The following FEZ1 variants were observed in gnomAD, a reference collection of about 807,000 sequenced individuals.
FEZ1 encodes fasciculation and elongation protein zeta-1.
FEZ1 carries 20 observed loss-of-function variants against 49.3 expected under a neutral mutation model. That is an observed-to-expected ratio of 0.41 (90% CI 0.29 to 0.59). The LOEUF is 0.59. FEZ1 is among the 20% of genes least tolerant of loss of function. The pLI is 0.36. For missense variants in FEZ1, 413 were observed against 476.0 expected (o/e 0.87, Z 1.23); for synonymous variants, 170 against 180.9 (o/e 0.94, Z 0.48).
At chr11:125,461,651 T>C (rs1464686436) in intron 4 of FEZ1, among the ~76,000 whole-genome samples, 20 of 152,218 alleles carry the variant, frequency 1.3e-4, no homozygotes, top group Admixed American at 1.3e-3. Flanking sequence ...GTACATTAAT[T>C]ATTTACAAAT....
At chr11:125,462,101 C>T (rs988436521) in intron 4 of FEZ1, among the ~76,000 whole-genome samples, 4 of 152,210 alleles carry the variant, frequency 2.6e-5, no homozygotes, top group South Asian at 2.1e-4. Context: ...CTAATCCTCA[C>T]GTGTTTCAAT....
In FEZ1 at chr11:125,454,093, C is replaced by G. The variant is rs762101085; in HGVS notation, c.1020+37G>C. The G allele has an allele frequency of 7.3e-6, 11 of 1,516,260 alleles. No homozygotes were observed. The East Asian group carries it at 2.3e-4, about 31-fold the overall frequency. The allele number at this position is 1,516,260 out of a possible 1,614,324, so 93.9% of individuals were successfully genotyped here. On this transcript the variant is annotated intron_variant, in intron 7 of 9. Transcript: ENST00000278919. The stretch of plus-strand genomic sequence containing the variant: ...GCTGGGGAGGCCAAGCTGCAGGAGT[C>G]TAGGAAGAGAGCTTGGAGCAGGGAG...
In FEZ1 at chr11:125,455,999, C is replaced by T. The variant is rs183035322; in HGVS notation, c.775G>A (p.Glu259Lys). 8.7e-6 allele frequency: 14 copies of T among 1,613,588 alleles called. No individual in the cohort carries two copies. The highest frequency in any genetic ancestry group is 1.1e-5 in the Non-Finnish European group (13 of 1,180,000). The change falls in exon 6 of 10, where the codon GAG (glutamate) becomes AAG (lysine). Residue 259 changes from glutamate (E) to lysine (K), a missense_variant. Physicochemically the swap from Glu to Lys is moderately conservative, Grantham distance 56. Transcript: ENST00000278919. ...ELVQQLARRD[E>K]LEFEKEVKNS... ...TTCACTTCCTTCTCAAACTCCAGCT[C>T]GTCCCGGCGGGCCAGCTGCTGCACC...
intron 3 of FEZ1, among the ~76,000 whole-genome samples, chr11:125,475,464 C>A (rs891546795): frequency 2.0e-5 from 3 of 151,984 alleles, no homozygotes; most frequent in Admixed American, 2.0e-4. Flanking sequence ...GAATATGGGA[C>A]AATTACAGCT....
chr11:125,455,760 A>G lies in FEZ1; in HGVS notation c.939+75T>C, dbSNP rs1957004715. On this transcript the variant is annotated intron_variant, in intron 6 of 9. Coordinates refer to ENST00000278919, the MANE Select transcript of FEZ1 (RefSeq NM_005103.5). ...CGGTAAACGTTGATGAGTCCCCTGC[A>G]GGGTTGGTAGGGCACTGAAACGGGC... is the stretch of plus-strand genomic sequence containing the variant. 9 of 1,464,222 alleles carry G rather than the reference A, an allele frequency of 6.1e-6. No homozygotes were observed. In the East Asian group the frequency reaches 2.0e-4, roughly 33 times the overall value. 90.7% of individuals were successfully genotyped at this position (1,464,222 alleles called of 1,614,324 possible).
intron 5 of FEZ1, among the ~76,000 whole-genome samples, chr11:125,458,363 A>G (rs1251654302): frequency 3.3e-5 from 5 of 152,134 alleles, no homozygotes; most frequent in Non-Finnish European, 7.3e-5. Context: ...TTGCTGTGTT[A>G]CACTTTTTCA....
At chr11:125,473,695 T>A (rs1333359500) in intron 3 of FEZ1, among the ~76,000 whole-genome samples, 1 of 151,852 alleles carries the variant, frequency 6.6e-6, no homozygotes, top group Non-Finnish European at 1.5e-5. Context: ...TGCAGGCACC[T>A]GTAATCCCAG....
intron 3 of FEZ1, among the ~76,000 whole-genome samples, chr11:125,466,056 C>T (rs902381584): frequency 6.6e-6 from 1 of 152,288 alleles, no homozygotes; most frequent in Admixed American, 6.5e-5. Context: ...ACTCTTAATC[C>T]TAGCATAAGA....
At position 125,495,269 on chromosome 11, in the gene FEZ1, A is replaced by G; in HGVS notation, c.-46+852T>C. On this transcript the variant is annotated intron_variant, in intron 1 of 9. Coordinates refer to ENST00000278919, the MANE Select transcript of FEZ1 (RefSeq NM_005103.5). This position sits in a 1 kb window ranked among gnomAD's most constrained non-coding sequence, Gnocchi z 4.2. ...GACTCATCCCGTGCAGGCCGCATAC[A>G]CACTCCACTGCCCTTCCGGCCAAAC... 1 of 422,556 alleles carries G rather than the reference A, an allele frequency of 2.4e-6. No individual in the cohort carries two copies. The highest frequency in any genetic ancestry group is 7.2e-5 in the East Asian group (1 of 13,890). 26.2% of individuals were successfully genotyped at this position (422,556 alleles called of 1,614,324 possible). A position where few individuals can be genotyped will look rare whatever the true frequency, so the allele number is the denominator to read the frequency against.
intron 1 of FEZ1, among the ~76,000 whole-genome samples, chr11:125,491,889 G>A (rs1486885561): frequency 2.0e-5 from 3 of 152,128 alleles, no homozygotes; most frequent in Non-Finnish European, 2.9e-5. Context: ...AGACAGGCTC[G>A]AGAGCCAACA....
Position 125,445,959 on chromosome 11 carries a change from C to T in FEZ1, c.*136G>A. 1 of 910,704 alleles carries T rather than the reference C, an allele frequency of 1.1e-6. No individual in the cohort carries two copies. The highest frequency in any genetic ancestry group is 2.5e-5 in the East Asian group (1 of 40,134). The allele number at this position is 910,704 out of a possible 1,614,324, so 56.4% of individuals were successfully genotyped here. On this transcript the variant is annotated 3_prime_UTR_variant, in exon 10 of 10. Coordinates refer to ENST00000278919, the MANE Select transcript of FEZ1 (RefSeq NM_005103.5). The surrounding 1 kb of genome is among the most constrained non-coding windows in gnomAD (Gnocchi z 4.4). Reference sequence around the variant, plus strand: ...AGCCAACGGCAAAGGACCCCGCGCGCTTGCTCGTGTTTAATCCAGGTTAAG... The same window carrying T: ...AGCCAACGGCAAAGGACCCCGCGCGTTTGCTCGTGTTTAATCCAGGTTAAG...
At chr11:125,465,810 C>G (rs957970535) in intron 3 of FEZ1, among the ~76,000 whole-genome samples, 6 of 152,126 alleles carry the variant, frequency 3.9e-5, no homozygotes, top group Non-Finnish European at 5.9e-5. Flanking sequence ...ACCCTTCCCA[C>G]CCTCCCTAGG....
chr11:125,460,321 A>G, intron 5 of FEZ1, 177 bp downstream of exon 5: 1 of 503,278 alleles, frequency 2.0e-6, no homozygotes, highest in Non-Finnish European at 3.4e-6. Flanking sequence ...TCTTTTCTCA[A>G]AAATGCAAAC....
Position 125,457,403 on chromosome 11 carries a change from T to TAA in FEZ1, c.668-1299_668-1298dup, listed in dbSNP as rs141594971. Reference sequence around the variant, plus strand: ...CAACATGGTGAAACTGTTTCTACTTTAAAAAAAAAAAAAAAAAAAAAAAAA... The same window carrying TAA: ...CAACATGGTGAAACTGTTTCTACTTTAAAAAAAAAAAAAAAAAAAAAAAAAAA... On this transcript the variant is annotated intron_variant, in intron 5 of 9. Coordinates refer to ENST00000278919, the MANE Select transcript of FEZ1 (RefSeq NM_005103.5). Among the ~76,000 whole-genome samples, 29 of 35,126 alleles carry TAA rather than the reference T, an allele frequency of 8.3e-4. 2 individuals are homozygous for TAA. In the South Asian group the frequency reaches 9.2e-3, roughly 11 times the overall value. The allele number at this position is 35,126 out of a possible 152,430, so 23.0% of individuals were successfully genotyped here.
chr11:125,450,772 C>T (rs2135737309), intron 8 of FEZ1, among the ~76,000 whole-genome samples: 1 of 152,158 alleles, frequency 6.6e-6, no homozygotes, highest in South Asian at 2.1e-4. Flanking sequence ...AAAATCATGA[C>T]ACAAAATTTT....
chr11:125,462,377 G>T lies in FEZ1; in HGVS notation c.498+1107C>A, dbSNP rs1192687671. On this transcript the variant is annotated intron_variant, in intron 4 of 9. Transcript: ENST00000278919. ...GAAGCACTCTATCTTTTTTCACAAA[G>T]TCGAAGTGGCTCTAAGACTCCTTTC... Among the ~76,000 whole-genome samples, 8 of 152,308 alleles carry T rather than the reference G, an allele frequency of 5.3e-5. No homozygotes were observed. In the East Asian group the frequency reaches 1.5e-3, roughly 29 times the overall value.
rs73621292 is a variant in FEZ1, at chr11:125,447,178, G to T, written c.1163-1067C>A. Among the ~76,000 whole-genome samples the T allele has an allele frequency of 4.8e-3, 738 of 152,280 alleles. 7 individuals carry two copies. Among genetic ancestry groups the T allele is most frequent in the African/African-American group, 0.017 (687 of 41,544 alleles). On this transcript the variant is annotated intron_variant, in intron 9 of 9. Transcript: ENST00000278919. Reference sequence around the variant, plus strand: ...CTGGAAACCTATAACCACCTATAATGTAGTGCTTATCAAAAAATCGGAAGC... The same window carrying T: ...CTGGAAACCTATAACCACCTATAATTTAGTGCTTATCAAAAAATCGGAAGC...
intron 8 of FEZ1, among the ~76,000 whole-genome samples, chr11:125,451,972 C>T (rs112933210): frequency 1.8e-4 from 28 of 152,312 alleles, no homozygotes; most frequent in African/African-American, 6.3e-4. Flanking sequence ...GACCAGGCAA[C>T]CTCAAGTTGC....
intron 5 of FEZ1, chr11:125,456,363 G>A: frequency 2.4e-6 from 1 of 411,262 alleles, no homozygotes; most frequent in Non-Finnish European, 4.3e-6. Flanking sequence ...GAAGTCTGTG[G>A]ACTCTATTCT....
Sources: allele counts gnomAD v4.1 joint callset (sites outside exome capture counted in the v4.1 genomes callset), GRCh38; gene constraint gnomAD v4.1.1; non-coding constraint Gnocchi (gnomAD v3.1); transcripts MANE v1.5; gene names NCBI Gene and HGNC (gene_info 2026-07-23, HGNC 2026-07-21).